The following CCNDBP1 variants were observed in gnomAD, a reference collection of about 807,000 sequenced individuals.
CCNDBP1 encodes the protein cyclin D1 binding protein 1, also known as cyclin-D1-binding protein 1.
Under a neutral mutation model 46.2 loss-of-function variants are expected in CCNDBP1, and 45 were observed. The observed-to-expected ratio is 0.97, with a 90% CI of 0.77 to 1.25. The LOEUF (loss-of-function observed/expected upper bound fraction) is 1.25, where lower values mean the gene tolerates loss of function less well. Ranked by LOEUF, CCNDBP1 falls within the 50% of genes most tolerant of loss-of-function variation. CCNDBP1 has a pLI of 0.00. For synonymous variants in CCNDBP1, 154 were observed against 163.6 expected (o/e 0.94, Z 0.45); for missense variants, 436 against 442.1 (o/e 0.99, Z 0.12).
chr15:43,192,288 T>A (rs567814422), intron 8 of CCNDBP1, among the ~76,000 whole-genome samples: 97 of 152,368 alleles, frequency 6.4e-4, no homozygotes, highest in African/African-American at 2.2e-3. Context: ...GAATATCATA[T>A]AATTAAGTGT....
chr15:43,187,204 A>T (rs1314374413), intron 3 of CCNDBP1, among the ~76,000 whole-genome samples: 1 of 152,068 alleles, frequency 6.6e-6, no homozygotes, highest in African/African-American at 2.4e-5. Flanking sequence ...GTGTTTGGAA[A>T]GGATATAAAT....
rs1355802016 is a variant in CCNDBP1 at position 43,185,478 on chromosome 15, G to T, written c.-21G>T. 2 of 1,558,834 alleles carry T rather than the reference G, an allele frequency of 1.3e-6. No individual in the cohort carries two copies. Among genetic ancestry groups the T allele is most frequent in the African/African-American group, 1.4e-5 (1 of 73,714 alleles). On this transcript the variant is annotated 5_prime_UTR_variant, in exon 1 of 11. Coordinates refer to ENST00000300213, the MANE Select transcript of CCNDBP1 (RefSeq NM_012142.5). ...AGTGGCAGCGGAGGCCTGTGTTTGCGGCCTTCGGCAAGCGACTGAGATGGC... is the reference window on the plus strand; with the variant it reads ...AGTGGCAGCGGAGGCCTGTGTTTGCTGCCTTCGGCAAGCGACTGAGATGGC...
rs565950774 is a variant in CCNDBP1, at chr15:43,190,700, G to C, written c.503-266G>C. Among the ~76,000 whole-genome samples, 8 of 152,282 alleles carry C rather than the reference G, an allele frequency of 5.3e-5. No individual in the cohort carries two copies. In the South Asian group the frequency reaches 1.7e-3, roughly 32 times the overall value. ...CTGAAGCAGTTATGAGGTAGAGACA[G>C]CTAGGCCAAAACAGTGGTTGTCCAA... On this transcript the variant is annotated intron_variant, in intron 6 of 10. Coordinates refer to ENST00000300213, the MANE Select transcript of CCNDBP1 (RefSeq NM_012142.5).
chr15:43,190,355 C>T lies in CCNDBP1; in HGVS notation c.459C>T (p.Asn153=). ...AGAACAATGACCTTATTTCCTACAA[C>T]AGTGTCTGGGTTGCGTGCCAGCAGA... ...SPENNDLISY[N]SVWVACQQMP... The change falls in exon 6 of 11, where the codon AAC becomes AAT. Residue 153 remains asparagine, a synonymous_variant. Coordinates refer to ENST00000300213, the MANE Select transcript of CCNDBP1 (RefSeq NM_012142.5). 1 of 1,614,152 alleles carries T rather than the reference C, an allele frequency of 6.2e-7. No homozygotes were observed. The highest frequency in any genetic ancestry group is 8.5e-7 in the Non-Finnish European group (1 of 1,180,034).
At position 43,191,628 on chromosome 15, in the gene CCNDBP1, G is replaced by A. The variant is rs1298987343; in HGVS notation, c.813G>A (p.Val271=). 1.9e-6 allele frequency: 3 copies of A among 1,611,630 alleles called. No individual in the cohort carries two copies. Among genetic ancestry groups the A allele is most frequent in the Non-Finnish European group, 2.5e-6 (3 of 1,179,992 alleles). Reference sequence around the variant, plus strand: ...CAGAGAATGGGAAGAAGGATCAGGTGGCACAGCTGGATGACATTGTGGATA... The same window carrying A: ...CAGAGAATGGGAAGAAGGATCAGGTAGCACAGCTGGATGACATTGTGGATA... The part of the protein sequence containing the change: ...LVAENGKKDQ[V]AQLDDIVDIS... The change falls in exon 8 of 11, where the codon GTG becomes GTA. Residue 271 remains valine (V), a synonymous_variant. Coordinates refer to ENST00000300213, the MANE Select transcript of CCNDBP1 (RefSeq NM_012142.5).
chr15:43,191,701 TC>T lies in CCNDBP1; in HGVS notation c.860+27del. ...GTAAGCGGGATCCCCACTTGAAACA[TC>T]TGAGCAGCAGCGTTCTGATTTCAAT... is the stretch of plus-strand genomic sequence containing the variant. On this transcript the variant is annotated intron_variant, in intron 8 of 10. Coordinates refer to ENST00000300213, the MANE Select transcript of CCNDBP1 (RefSeq NM_012142.5). 3.1e-6 allele frequency: 5 copies of T among 1,593,196 alleles called. No individual in the cohort carries two copies. In the South Asian group the frequency reaches 5.5e-5, roughly 18 times the overall value.
At position 43,191,343 on chromosome 15, in the gene CCNDBP1, C is replaced by CT. The variant is rs3214529; in HGVS notation, c.580-30dup. 2,174 of 681,538 alleles carry CT rather than the reference C, an allele frequency of 3.2e-3. 1 individual carries two copies. The highest frequency in any genetic ancestry group is 5.7e-3 in the South Asian group (277 of 48,248). The allele number at this position is 681,538 out of a possible 1,614,324, so 42.2% of individuals were successfully genotyped here. A position where few individuals can be genotyped will look rare whatever the true frequency, so the allele number is the denominator to read the frequency against. On this transcript the variant is annotated intron_variant, in intron 7 of 10. Transcript: ENST00000300213. ...GTAAAAGTATAATAATAGGCCTCGC[C>CT]TTTTTTTTTTTTTTTTTTTTTTGCA...
At chr15:43,187,622 TC>T (rs1211291739) in intron 3 of CCNDBP1, among the ~76,000 whole-genome samples, 1 of 152,132 alleles carries the variant, frequency 6.6e-6, no homozygotes, top group Non-Finnish European at 1.5e-5. Context: ...TGAGAGCACT[TC>T]AAAAGATTCA....
At chr15:43,189,572 C>G (rs1002090215) in intron 4 of CCNDBP1, 28 of 374,958 alleles carry the variant, frequency 7.5e-5, no homozygotes, top group Non-Finnish European at 1.2e-4. Context: ...CTGGCTGGCT[C>G]TCAGCCCCAT....
chr15:43,186,119 T>C (rs754632237), intron 2 of CCNDBP1, 35 bp from the exon 3 acceptor site: 1 of 1,581,386 alleles, frequency 6.3e-7, no homozygotes. Flanking sequence ...AGCACTAACG[T>C]ATTGGCACCT....
rs755893318 is a variant in CCNDBP1 at position 43,190,401 on chromosome 15, G to C, written c.502+3G>C. ...GCAGATGCCTCAGATACCAAGAGGT[G>C]AGTGAAAGTGGGCAGTGGGCCATGT... On this transcript the variant is annotated splice_donor_region_variant and intron_variant, in intron 6 of 10. Transcript: ENST00000300213. 6.2e-7 allele frequency: 1 copy of C among 1,613,900 alleles called. No individual in the cohort carries two copies. The highest frequency in any genetic ancestry group is 1.7e-5 in the Admixed American group (1 of 60,028).
At chr15:43,193,639 C>T (rs987620142) in intron 9 of CCNDBP1, among the ~76,000 whole-genome samples, 3 of 152,136 alleles carry the variant, frequency 2.0e-5, no homozygotes, top group Non-Finnish European at 2.9e-5. Context: ...CTTTGAGGTT[C>T]TGTGCCCTTT....
intron 1 of CCNDBP1, 83 bp downstream of exon 1, chr15:43,185,690 C>T (rs2061363981): frequency 9.7e-6 from 6 of 620,386 alleles, no homozygotes; most frequent in African/African-American, 6.7e-5. Flanking sequence ...GGGGAGAGGC[C>T]GGGCTCGGGG....
At position 43,189,231 on chromosome 15, in the gene CCNDBP1, T is replaced by C. The variant is rs769905849; in HGVS notation, c.282T>C (p.Ala94=). 2 of 1,612,806 alleles carry C rather than the reference T, an allele frequency of 1.2e-6. No individual in the cohort carries two copies. The highest frequency in any genetic ancestry group is 2.2e-5 in the East Asian group (1 of 44,858). The change falls in exon 4 of 11, where the codon GCT becomes GCC. Residue 94 remains alanine (A), a synonymous_variant. Coordinates refer to ENST00000300213, the MANE Select transcript of CCNDBP1 (RefSeq NM_012142.5). ...ETQKFCEQVH[A]AIKAFIAVYY... ...AGAAGTTCTGTGAACAAGTCCATGCTGCCATCAAGGCATTTATTGCAGTGT... is the reference window on the plus strand; with the variant it reads ...AGAAGTTCTGTGAACAAGTCCATGCCGCCATCAAGGCATTTATTGCAGTGT...
At chr15:43,190,872 C>T (rs975465719) in intron 6 of CCNDBP1, 94 bp from the exon 7 acceptor site, 3 of 1,007,616 alleles carry the variant, frequency 3.0e-6, no homozygotes, top group East Asian at 4.9e-5. Context: ...CTTGGCACTC[C>T]CATCAATAGG....
Position 43,189,220 on chromosome 15 carries a change from C to T in CCNDBP1, c.271C>T (p.Gln91Ter). ...ATAGGAAACCCAGAAGTTCTGTGAA[C>T]AAGTCCATGCTGCCATCAAGGCATT... ...SPQETQKFCE[Q>*]VHAAIKAFIA... Residue 91 changes from glutamine to a stop codon, truncating the protein, a stop_gained, in exon 4 of 11, where the codon CAA becomes TAA. Transcript: ENST00000300213. LOFTEE classifies it high-confidence loss of function. 6.2e-7 allele frequency: 1 copy of T among 1,610,146 alleles called. No homozygotes were observed. Among genetic ancestry groups the T allele is most frequent in the Non-Finnish European group, 8.5e-7 (1 of 1,177,946 alleles).
intron 6 of CCNDBP1, 50 bp downstream of exon 6, chr15:43,190,448 C>A: frequency 7.0e-7 from 1 of 1,427,350 alleles, no homozygotes; most frequent in Non-Finnish European, 9.9e-7. Context: ...AGCAAAGAGA[C>A]CTCATGTCTA....
intron 3 of CCNDBP1, among the ~76,000 whole-genome samples, chr15:43,186,635 A>G (rs2041846942): frequency 6.6e-6 from 1 of 152,222 alleles, no homozygotes; most frequent in Non-Finnish European, 1.5e-5. Context: ...TAAGCTACCT[A>G]TTCTGTTATA....
intron 3 of CCNDBP1, among the ~76,000 whole-genome samples, chr15:43,187,167 TTTTAA>T (rs2041865141): frequency 1.3e-5 from 2 of 152,314 alleles, no homozygotes; most frequent in South Asian, 4.1e-4. Flanking sequence ...TAGTCAATTG[TTTTAA>T]TTTTTCAGTC....
Sources: gnomAD v4.1 joint callset for allele counts (sites outside exome capture counted in the v4.1 genomes callset) on GRCh38, gnomAD v4.1.1 for gene constraint, MANE v1.5 for transcripts, NCBI Gene and HGNC (gene_info 2026-07-23, HGNC 2026-07-21) for gene names.